FLI1: variants seen among roughly 807,000 people sequenced by gnomAD.
FLI1 encodes Friend leukemia integration 1 transcription factor.
A neutral mutation model predicts 53.1 loss-of-function variants in FLI1; 13 were observed. The ratio of observed to expected loss-of-function variants is 0.24; its 90% CI spans 0.16 to 0.39. The LOEUF is 0.39. FLI1 is among the 10% of genes least tolerant of loss of function. FLI1 has a pLI of 1.00. For missense variants in FLI1, 424 were observed against 600.5 expected (o/e 0.71, Z 3.07); for synonymous variants, 244 against 236.7 (o/e 1.03, Z -0.28).
At chr11:128,761,547 T>C (rs1343627209) in intron 2 of FLI1, among the ~76,000 whole-genome samples, 1 of 152,220 alleles carries the variant, frequency 6.6e-6, no homozygotes, top group Non-Finnish European at 1.5e-5. Context: ...CCTTCAATGC[T>C]GAGCCTGAGT....
intron 1 of FLI1, among the ~76,000 whole-genome samples, chr11:128,725,978 C>G (rs1048884903): frequency 6.6e-6 from 1 of 152,124 alleles, no homozygotes; most frequent in Non-Finnish European, 1.5e-5. Context: ...CTGAGGAGTC[C>G]AGATCCTGGC....
intron 1 of FLI1, among the ~76,000 whole-genome samples, chr11:128,696,245 A>G (rs141990609): frequency 2.3e-3 from 344 of 152,242 alleles, no homozygotes; most frequent in African/African-American, 6.9e-3. Context: ...TCATTCACCT[A>G]AGTTACCTGG....
chr11:128,805,181 CT>C (rs1942743997), intron 5 of FLI1, 184 bp from the exon 6 acceptor site: 1 of 474,754 alleles, frequency 2.1e-6, no homozygotes, highest in Admixed American at 4.1e-5. Flanking sequence ...AGACTACAAT[CT>C]TCTGAAAGTC....
At chr11:128,688,608 C>G (rs1370957733) in intron 1 of FLI1, among the ~76,000 whole-genome samples, 94 of 152,304 alleles carry the variant, frequency 6.2e-4, no homozygotes, top group Non-Finnish European at 4.4e-5. Flanking sequence ...AGCCTGGCCC[C>G]TAGGGGCCAA....
intron 1 of FLI1, among the ~76,000 whole-genome samples, chr11:128,712,481 T>C (rs1364650179): frequency 6.6e-6 from 1 of 152,206 alleles, no homozygotes; most frequent in Non-Finnish European, 1.5e-5. Flanking sequence ...GTTTTCACAT[T>C]GCTGGTAAAG....
chr11:128,764,767 C>T (rs1304217671), intron 2 of FLI1: 1 of 1,590,750 alleles, frequency 6.3e-7, no homozygotes, highest in Non-Finnish European at 8.5e-7. Flanking sequence ...CTGGAGGAGG[C>T]ACGGTGCTTG....
At chr11:128,768,324 G>C (rs747391886) in intron 3 of FLI1, 52 bp downstream of exon 3, 28 of 1,605,078 alleles carry the variant, frequency 1.7e-5, no homozygotes, top group African/African-American at 1.5e-4. Context: ...CACTCTCTGG[G>C]GGGGCAGGGA....
rs1286130638 is a variant in FLI1, at chr11:128,812,219, G to A, written c.*1231G>A. On this transcript the variant is annotated 3_prime_UTR_variant, in exon 9 of 9. Transcript: ENST00000527786. ...AGTACTGCAATAATCACAGCTCTGGGAAAAACAACGAAACTTTCCCTTGTG... is the reference window on the plus strand; with the variant it reads ...AGTACTGCAATAATCACAGCTCTGGAAAAAACAACGAAACTTTCCCTTGTG... 1 of 217,928 alleles carries A rather than the reference G, an allele frequency of 4.6e-6. No homozygotes were observed. The highest frequency in any genetic ancestry group is 9.2e-6 in the Non-Finnish European group (1 of 108,366). 13.5% of individuals were successfully genotyped at this position (217,928 alleles called of 1,614,324 possible).
chr11:128,767,027 G>A (rs148476777), intron 2 of FLI1, among the ~76,000 whole-genome samples: 1 of 152,014 alleles, frequency 6.6e-6, no homozygotes, highest in Non-Finnish European at 1.5e-5. Context: ...GGGTGTGACA[G>A]GGTGGCACCT....
upstream of FLI1, chr11:128,693,985 A>G (rs1591724255): frequency 3.2e-6 from 1 of 309,482 alleles, no homozygotes; most frequent in Admixed American, 5.7e-5. Context: ...AGAGAGAGAG[A>G]GAGAGAGATA....
chr11:128,746,498 C>T (rs1940395323), intron 1 of FLI1, among the ~76,000 whole-genome samples: 1 of 152,212 alleles, frequency 6.6e-6, no homozygotes, highest in Non-Finnish European at 1.5e-5. Flanking sequence ...TCCCACCTTC[C>T]CTTTGTCACG....
intron 2 of FLI1, chr11:128,764,550 G>T: frequency 5.5e-6 from 6 of 1,087,438 alleles, no homozygotes; most frequent in Non-Finnish European, 8.0e-6. Context: ...AGCTGTAAGT[G>T]CAGGTCTTAA....
At position 128,772,768 on chromosome 11, in the gene FLI1, C is replaced by G. The variant is rs908722685; in HGVS notation, c.386-14C>G. ...TTCCTGCAGTCCTTGCTAACAACGT[C>G]TTCTCCTCTGCAGACCCCACACTGT... On this transcript the variant is annotated splice_polypyrimidine_tract_variant and intron_variant, in intron 3 of 8. Coordinates refer to ENST00000527786, the MANE Select transcript of FLI1 (RefSeq NM_002017.5). The G allele has an allele frequency of 2.5e-6, 4 of 1,612,874 alleles. No homozygotes were observed. The highest frequency in any genetic ancestry group is 3.4e-6 in the Non-Finnish European group (4 of 1,178,954).
rs146398589 is a variant in FLI1 at position 128,795,051 on chromosome 11, G to A, written c.656-10315G>A. Among the ~76,000 whole-genome samples, 375 of 152,348 alleles carry A rather than the reference G, an allele frequency of 2.5e-3. 3 individuals carry two copies. Among genetic ancestry groups the A allele is most frequent in the African/African-American group, 8.5e-3 (353 of 41,576 alleles). On this transcript the variant is annotated intron_variant, in intron 5 of 8. Transcript: ENST00000527786. ...ACATTGCGCCACTTCACTCCAGCCT[G>A]AGCGACAGAGTGAGGCCCTGTTTCA...
chr11:128,807,094 G>A, intron 6 of FLI1, 86 bp from the exon 7 acceptor site: 1 of 681,924 alleles, frequency 1.5e-6, no homozygotes, highest in East Asian at 3.1e-5. Flanking sequence ...GCGAAGGAAT[G>A]AGTGAGAAAG....
At chr11:128,695,429 G>A (rs544171743) in intron 1 of FLI1, among the ~76,000 whole-genome samples, 12 of 152,294 alleles carry the variant, frequency 7.9e-5, no homozygotes, top group Middle Eastern at 3.4e-3. Flanking sequence ...TGGCGAGGTG[G>A]GGACTGGCAG....
intron 1 of FLI1, among the ~76,000 whole-genome samples, chr11:128,697,284 CATT>C (rs1938121584): frequency 6.6e-6 from 1 of 152,282 alleles, no homozygotes; most frequent in East Asian, 1.9e-4. Context: ...CACGTGGTGT[CATT>C]ACAGATGGGG....
intron 5 of FLI1, among the ~76,000 whole-genome samples, chr11:128,784,548 G>A (rs1052278695): frequency 6.6e-6 from 1 of 152,178 alleles, no homozygotes; most frequent in Non-Finnish European, 1.5e-5. Context: ...CTTTGCAGGT[G>A]CATCTTTTGT....
intron 4 of FLI1, among the ~76,000 whole-genome samples, chr11:128,780,281 T>C (rs1175835109): frequency 2.6e-5 from 4 of 152,214 alleles, no homozygotes; most frequent in Non-Finnish European, 5.9e-5. Context: ...GCTGCAGAGC[T>C]AGAACTAACA....
Sources: gnomAD v4.1 joint callset for allele counts (sites outside exome capture counted in the v4.1 genomes callset) on GRCh38, gnomAD v4.1.1 for gene constraint, MANE v1.5 for transcripts, NCBI Gene and HGNC (gene_info 2026-07-23, HGNC 2026-07-21) for gene names.